Variants in CCDC7 observed in about 807,000 individuals in gnomAD.
CCDC7 encodes the protein coiled-coil domain-containing protein 7.
Under a neutral mutation model 196.9 loss-of-function variants are expected in CCDC7, and 183 were observed. The observed-to-expected ratio is 0.93, with a 90% CI of 0.82 to 1.05. CCDC7 has a LOEUF of 1.05. Ranked by LOEUF, CCDC7 falls within the 50% of genes least tolerant of loss-of-function variation. The pLI is 0.00. For synonymous variants in CCDC7, 525 were observed against 484.6 expected (o/e 1.08, Z -1.10); for missense variants, 1,540 against 1,482.2 (o/e 1.04, Z -0.64).
At chr10:32,678,856 G>A (rs920971757) in intron 21 of CCDC7, among the ~76,000 whole-genome samples, 1 of 152,076 alleles carries the variant, frequency 6.6e-6, no homozygotes, top group Non-Finnish European at 1.5e-5. Flanking sequence ...CTGCTGTGCT[G>A]TAGCCTCTCA....
chr10:32,473,410 G>T (rs2038352049), intron 7 of CCDC7, among the ~76,000 whole-genome samples: 1 of 152,174 alleles, frequency 6.6e-6, no homozygotes, highest in Non-Finnish European at 1.5e-5. Flanking sequence ...GTAACAGAGG[G>T]CCTAGTCATA....
chr10:32,873,624 A>G (rs2094505538), intron 41 of CCDC7, among the ~76,000 whole-genome samples: 1 of 151,702 alleles, frequency 6.6e-6, no homozygotes, highest in African/African-American at 2.4e-5. Flanking sequence ...TTATCCGCTC[A>G]CCAGTTGGTG....
At chr10:32,672,663 G>A (rs1015256337) in intron 21 of CCDC7, among the ~76,000 whole-genome samples, 3 of 152,138 alleles carry the variant, frequency 2.0e-5, no homozygotes, top group South Asian at 2.1e-4. Context: ...GGATCAGGCC[G>A]TTGGGAACCA....
intron 30 of CCDC7, among the ~76,000 whole-genome samples, chr10:32,811,357 ATAT>A (rs1464105558): frequency 6.6e-6 from 1 of 152,066 alleles, no homozygotes; most frequent in Non-Finnish European, 1.5e-5. Flanking sequence ...TCATCAGAAA[ATAT>A]TATGAACAAC....
intron 28 of CCDC7, among the ~76,000 whole-genome samples, chr10:32,769,611 G>C (rs1452347042): frequency 2.6e-5 from 4 of 151,972 alleles, no homozygotes; most frequent in Non-Finnish European, 5.9e-5. Context: ...AGGTATTTCT[G>C]CTAATGCTAT....
intron 11 of CCDC7, 30 bp from the exon 13 acceptor site, chr10:32,543,269 CT>C: frequency 1.8e-5 from 25 of 1,358,466 alleles, no homozygotes; most frequent in Non-Finnish European, 2.4e-5. Context: ...GTTTTTAACC[CT>C]TTATTTCTGG....
chr10:32,642,554 G>T lies in CCDC7; in HGVS notation c.2014+7396G>T, dbSNP rs543303730. 2.7e-4 allele frequency among the ~76,000 whole-genome samples: 41 copies of T among 152,164 alleles called. No homozygotes were observed. In the South Asian group the frequency reaches 7.9e-3, roughly 29 times the overall value. ...TTCCAGGTGCCACCTGGAAAAGGGT[G>T]CCACCCTTTCTTTGACTAGGAAAAG... On this transcript the variant is annotated intron_variant, in intron 20 of 41. Transcript: ENST00000639629.
At chr10:32,814,643 A>C (rs2087976650) in intron 31 of CCDC7, among the ~76,000 whole-genome samples, 190 bp downstream of exon 32, 2 of 152,242 alleles carry the variant, frequency 1.3e-5, no homozygotes, top group South Asian at 4.1e-4. Context: ...TTTCAAAAGC[A>C]GAAGGGCTAG....
chr10:32,585,395 T>G (rs2059167695), intron 18 of CCDC7, among the ~76,000 whole-genome samples: 2 of 152,154 alleles, frequency 1.3e-5, no homozygotes. Flanking sequence ...TATTATTATA[T>G]TTTAAGTTCT....
intron 9 of CCDC7, among the ~76,000 whole-genome samples, chr10:32,517,675 G>A (rs570746759): frequency 2.0e-5 from 3 of 149,970 alleles, no homozygotes; most frequent in South Asian, 2.1e-4. Context: ...GCTAAATGAC[G>A]AGTTAATGGG....
chr10:32,552,827 C>A (rs551429825), intron 13 of CCDC7, among the ~76,000 whole-genome samples: 1 of 152,062 alleles, frequency 6.6e-6, no homozygotes, highest in East Asian at 1.9e-4. Context: ...GGTTACTTGG[C>A]GCTTCTGTCT....
chr10:32,489,061 C>T (rs969635635), intron 8 of CCDC7, among the ~76,000 whole-genome samples: 2 of 152,160 alleles, frequency 1.3e-5, no homozygotes, highest in African/African-American at 4.8e-5. Context: ...TTTTACTTCC[C>T]TAAGGGAAGC....
chr10:32,642,839 T>A (rs1221248744), intron 20 of CCDC7, among the ~76,000 whole-genome samples: 1 of 152,210 alleles, frequency 6.6e-6, no homozygotes, highest in African/African-American at 2.4e-5. Flanking sequence ...TCTTATTGTA[T>A]CCTAGAGTAT....
chr10:32,865,300 G>A (rs2094160862), intron 41 of CCDC7, among the ~76,000 whole-genome samples: 4 of 150,934 alleles, frequency 2.7e-5, no homozygotes, highest in African/African-American at 9.7e-5. Context: ...ACAAAAAGAA[G>A]GTATACAAAG....
chr10:32,806,720 T>C (rs11814922), intron 30 of CCDC7, among the ~76,000 whole-genome samples: 4,278 of 151,976 alleles, frequency 0.028, 217 homozygotes, highest in African/African-American at 0.097. Flanking sequence ...GCAGAAAAAA[T>C]ATGGATGAAA....
At chr10:32,635,631 A>G (rs1365226038) in intron 20 of CCDC7, among the ~76,000 whole-genome samples, 1 of 152,146 alleles carries the variant, frequency 6.6e-6, no homozygotes, top group African/African-American at 2.4e-5. Flanking sequence ...ACAAAAACAA[A>G]ACAAAACAAA....
upstream of CCDC7, chr10:32,446,117 T>A (rs1008761339): frequency 6.6e-6 from 1 of 152,110 alleles, no homozygotes; most frequent in Non-Finnish European, 1.5e-5. Flanking sequence ...CGTCGTGGCG[T>A]CGGGCGCCTG....
intron 20 of CCDC7, among the ~76,000 whole-genome samples, chr10:32,659,052 C>G (rs915203189): frequency 6.6e-6 from 1 of 151,982 alleles, no homozygotes; most frequent in South Asian, 2.1e-4. Context: ...CTCTGATCTT[C>G]ATTATTTCCT....
At chr10:32,466,927 C>T (rs1024648319) in intron 5 of CCDC7, among the ~76,000 whole-genome samples, 2 of 152,070 alleles carry the variant, frequency 1.3e-5, no homozygotes, top group East Asian at 1.9e-4. Flanking sequence ...ACTTTGCCAG[C>T]ATCTTTTATT....
Sources: gnomAD v4.1 joint callset for allele counts (sites outside exome capture counted in the v4.1 genomes callset) on GRCh38, gnomAD v4.1.1 for gene constraint, MANE v1.5 for transcripts, NCBI Gene and HGNC (gene_info 2026-07-23, HGNC 2026-07-21) for gene names.